Variants in RPRD2 observed in about 807,000 individuals in gnomAD.
The protein encoded by RPRD2 is regulation of nuclear pre-mRNA domain containing 2, also known as regulation of nuclear pre-mRNA domain-containing protein 2.
RPRD2 carries 12 observed loss-of-function variants against 104.4 expected under a neutral mutation model. The observed-to-expected ratio is 0.11, with a 90% confidence interval of 0.07 to 0.19. The LOEUF (loss-of-function observed/expected upper bound fraction) is 0.19, where lower values mean the gene tolerates loss of function less well. Among genes scored for constraint, RPRD2 ranks in the 10% least tolerant of loss-of-function variants. The probability of loss-of-function intolerance (pLI) is 1.00; values close to 1 mark genes in which losing one functional copy is unlikely to be tolerated. For synonymous variants in RPRD2, 714 were observed against 684.9 expected, an observed-to-expected ratio of 1.04 and a Z score of -0.66; for missense variants, 1,543 against 1,790.1, an observed-to-expected ratio of 0.86 and a Z score of 2.49.
At chr1:150,438,822 A>G (rs587775863) in intron 2 of RPRD2, among the ~76,000 whole-genome samples, 3 of 152,118 alleles carry the variant, frequency 2.0e-5, no homozygotes, top group South Asian at 4.1e-4. Context: ...AGCTGTAACA[A>G]TGGTAAGTAC....
chr1:150,449,168 C>T (rs1372925003), intron 7 of RPRD2, among the ~76,000 whole-genome samples: 1 of 152,170 alleles, frequency 6.6e-6, no homozygotes, highest in Admixed American at 6.5e-5. Context: ...TCCCCCTGCC[C>T]AACCCCGAAT....
intron 7 of RPRD2, among the ~76,000 whole-genome samples, chr1:150,450,707 G>A (rs965875958): frequency 3.4e-5 from 5 of 148,124 alleles, no homozygotes; most frequent in East Asian, 2.1e-4. Flanking sequence ...TGCAACCCCC[G>A]CCTCCTGGGT....
In RPRD2 at chr1:150,457,585, G is replaced by A. The variant is rs782523396; in HGVS notation, c.1153+15G>A. On this transcript the variant is annotated intron_variant, in intron 8 of 10. Coordinates refer to ENST00000369068, the MANE Select transcript of RPRD2 (RefSeq NM_015203.5). ...AAAAATCATTGGTATGTCTTTATGTGATTAATAGACAACTTATTCCTTATC... is the reference window on the plus strand; with the variant it reads ...AAAAATCATTGGTATGTCTTTATGTAATTAATAGACAACTTATTCCTTATC... 6.2e-7 allele frequency: 1 copy of A among 1,606,788 alleles called. No individual in the cohort carries two copies. The highest frequency in any genetic ancestry group is 8.5e-7 in the Non-Finnish European group (1 of 1,173,988).
intron 3 of RPRD2, chr1:150,441,252 T>A: frequency 2.4e-6 from 1 of 410,772 alleles, no homozygotes; most frequent in Non-Finnish European, 4.3e-6. Context: ...ACTACAAAAG[T>A]CAAGCATGTT....
chr1:150,471,623 C>T lies in RPRD2; in HGVS notation c.2675C>T (p.Ser892Phe). Residue 892 changes from serine (S) to phenylalanine (F), a missense_variant, in exon 11 of 11, where the codon TCT (serine) becomes TTT (phenylalanine). Coordinates refer to ENST00000369068, the MANE Select transcript of RPRD2 (RefSeq NM_015203.5). This position sits in a 1 kb window ranked among gnomAD's most constrained non-coding sequence, Gnocchi z 5.3. ...EFGVKSAFPP[S>F]VRALLDSSEN... ...GGGGTAAAGTCTGCCTTCCCTCCAT[C>T]TGTAAGGGCCCTCCTGGACTCTAGT... is the stretch of plus-strand genomic sequence containing the variant. 2 of 1,613,910 alleles carry T rather than the reference C, an allele frequency of 1.2e-6. No homozygotes were observed. Among genetic ancestry groups the T allele is most frequent in the South Asian group, 2.2e-5 (2 of 91,068 alleles).
chr1:150,456,058 G>A (rs1553897505), intron 7 of RPRD2, among the ~76,000 whole-genome samples: 1 of 151,962 alleles, frequency 6.6e-6, no homozygotes, highest in African/African-American at 2.4e-5. Context: ...TTGAACTCCT[G>A]GCTTCAAGTG....
chr1:150,455,760 G>A (rs1667484351), intron 7 of RPRD2, among the ~76,000 whole-genome samples: 1 of 152,040 alleles, frequency 6.6e-6, no homozygotes, highest in Admixed American at 6.6e-5. Flanking sequence ...TGGATATAGG[G>A]TATATGGGAA....
chr1:150,364,641 T>G lies in RPRD2; in HGVS notation c.-74T>G. Reference sequence around the variant, plus strand: ...TACGGCTTTCACGCACTCGCAGTGATTGTTTTGCCCGCTCCCGCCGCCGCC... The same window carrying G: ...TACGGCTTTCACGCACTCGCAGTGAGTGTTTTGCCCGCTCCCGCCGCCGCC... On this transcript the variant is annotated 5_prime_UTR_variant, in exon 1 of 11. Transcript: ENST00000369068. The G allele has an allele frequency of 2.4e-5, 18 of 741,616 alleles. No individual in the cohort carries two copies. Among genetic ancestry groups the G allele is most frequent in the Non-Finnish European group, 3.5e-5 (16 of 451,254 alleles). The allele number at this position is 741,616 out of a possible 1,614,324, so 45.9% of individuals were successfully genotyped here. A position where few individuals can be genotyped will look rare whatever the true frequency, so the allele number is the denominator to read the frequency against.
In RPRD2 at chr1:150,473,039, G is replaced by A. The variant is rs372428982; in HGVS notation, c.4091G>A (p.Arg1364His). The part of the protein sequence containing the change: ...QRDLNGPGLS[R>H]VRESLTLPSH... ...GACCTCAACGGCCCTGGCCTTAGCC[G>A]TGTACGAGAGAGCCTCACCCTACCC... Residue 1364 changes from arginine to histidine, a missense_variant, in exon 11 of 11, where the codon CGT becomes CAT. Arg to His is a conservative substitution (Grantham distance 29, BLOSUM62 0). This residue lies in a region of RPRD2 where 880 missense variants were observed against 885.6 expected (regional missense o/e 0.99). Coordinates refer to ENST00000369068, the MANE Select transcript of RPRD2 (RefSeq NM_015203.5). 2.4e-5 allele frequency: 39 copies of A among 1,613,998 alleles called. No homozygotes were observed. The highest frequency in any genetic ancestry group is 8.9e-5 in the East Asian group (4 of 44,884).
intron 1 of RPRD2, among the ~76,000 whole-genome samples, chr1:150,372,498 C>T (rs587765755): frequency 6.5e-5 from 9 of 138,616 alleles, no homozygotes; most frequent in Non-Finnish European, 1.4e-4. Flanking sequence ...AACACACACA[C>T]ACACACAGAC....
intron 1 of RPRD2, among the ~76,000 whole-genome samples, chr1:150,395,289 A>G (rs1372639751): frequency 6.6e-6 from 1 of 152,020 alleles, no homozygotes; most frequent in African/African-American, 2.4e-5. Flanking sequence ...TTCACTTAGA[A>G]TAGTAGCCTC....
chr1:150,467,264 A>AT (rs1668339826), intron 10 of RPRD2, among the ~76,000 whole-genome samples: 1 of 152,204 alleles, frequency 6.6e-6, no homozygotes, highest in Non-Finnish European at 1.5e-5. Context: ...GCCCCTATCT[A>AT]TTGGCATCAG....
chr1:150,432,027 C>T (rs1197902407), intron 2 of RPRD2, among the ~76,000 whole-genome samples: 3 of 151,756 alleles, frequency 2.0e-5, no homozygotes, highest in East Asian at 3.9e-4. Flanking sequence ...AGTTTGGTTG[C>T]ACAACAGTGT....
intron 1 of RPRD2, among the ~76,000 whole-genome samples, chr1:150,404,128 T>A (rs1190515454): frequency 6.6e-6 from 1 of 152,214 alleles, no homozygotes; most frequent in African/African-American, 2.4e-5. Flanking sequence ...CCCAGCTGAT[T>A]TAGCAGCCAC....
chr1:150,416,131 G>A (rs587688344), intron 1 of RPRD2, among the ~76,000 whole-genome samples: 1 of 152,304 alleles, frequency 6.6e-6, no homozygotes, highest in South Asian at 2.1e-4. Flanking sequence ...TAAAGGTGCA[G>A]TAAATGCAGT....
intron 1 of RPRD2, among the ~76,000 whole-genome samples, chr1:150,417,216 TTA>T (rs757302571): frequency 6.6e-6 from 1 of 152,202 alleles, no homozygotes; most frequent in Admixed American, 6.5e-5. Flanking sequence ...TAATTTTGTT[TTA>T]TTTTAGCTTC....
rs1668771003 is a variant in RPRD2, at chr1:150,474,071, CAAG to C, written c.*739_*741del. 1 of 151,944 alleles carries C rather than the reference CAAG, an allele frequency of 6.6e-6. No homozygotes were observed. Among genetic ancestry groups the C allele is most frequent in the Non-Finnish European group, 1.5e-5 (1 of 68,000 alleles). The allele number at this position is 151,944 out of a possible 1,614,324, so 9.4% of individuals were successfully genotyped here. On this transcript the variant is annotated 3_prime_UTR_variant, in exon 11 of 11. Transcript: ENST00000369068. Reference sequence around the variant, plus strand: ...TGTGACCTGCCTGTTTTTTTGTAAACAAGAGAATAGGAAATGTTTTCAAGGTAG... The same window carrying C: ...TGTGACCTGCCTGTTTTTTTGTAAACAGAATAGGAAATGTTTTCAAGGTAG...
At chr1:150,457,884 A>G (rs1667647616) in intron 8 of RPRD2, among the ~76,000 whole-genome samples, 1 of 152,144 alleles carries the variant, frequency 6.6e-6, no homozygotes, top group African/African-American at 2.4e-5. Context: ...CACCCTAGCC[A>G]ACATGGTGTA....
chr1:150,384,869 C>G (rs782433504), intron 1 of RPRD2, among the ~76,000 whole-genome samples: 1 of 151,980 alleles, frequency 6.6e-6, no homozygotes, highest in Non-Finnish European at 1.5e-5. Context: ...AAGAAGGTAA[C>G]TAGCTGAGTG....
Sources: gnomAD v4.1 joint callset for allele counts (sites outside exome capture counted in the v4.1 genomes callset) on GRCh38, gnomAD v4.1.1 for gene constraint, gnomAD v4.1.1 regional missense constraint, Gnocchi (gnomAD v3.1) non-coding constraint, MANE v1.5 for transcripts, NCBI Gene and HGNC (gene_info 2026-07-23, HGNC 2026-07-21) for gene names.